Variants in ASPH observed in about 807,000 individuals in gnomAD.
ASPH encodes aspartate beta-hydroxylase.
Under a neutral mutation model 118.4 loss-of-function variants are expected in ASPH, and 100 were observed. The ratio of observed to expected loss-of-function variants is 0.84; its 90% confidence interval spans 0.72 to 1.00. ASPH has a LOEUF of 1.00. Among genes scored for constraint, ASPH ranks in the 50% least tolerant of loss-of-function variants. The probability of loss-of-function intolerance (pLI) is 0.00; values close to 1 mark genes in which losing one functional copy is unlikely to be tolerated. For synonymous variants in ASPH, 315 were observed against 325.6 expected (o/e 0.97, Z 0.35); for missense variants, 920 against 919.5 (o/e 1.00, Z -0.01).
At chr8:61,579,166 A>G (rs879015555) in intron 15 of ASPH, 136 of 1,611,248 alleles carry the variant, frequency 8.4e-5, no homozygotes, top group South Asian at 3.3e-4. Context: ...AACATCAGCC[A>G]GCTCCAGGCT....
intron 24 of ASPH, among the ~76,000 whole-genome samples, chr8:61,505,016 C>A (rs139199998): frequency 6.6e-6 from 1 of 151,998 alleles, no homozygotes; most frequent in South Asian, 2.1e-4. Context: ...CAAATCTCAT[C>A]TTGAATTGTA....
chr8:61,675,453 A>G (rs1435924739), intron 3 of ASPH: 3 of 984,678 alleles, frequency 3.0e-6, no homozygotes, highest in Non-Finnish European at 3.6e-6. Context: ...AAGTTAACTT[A>G]CTCTAAGGCA....
At chr8:61,507,434 T>C (rs780064614) in intron 24 of ASPH, among the ~76,000 whole-genome samples, 2 of 152,156 alleles carry the variant, frequency 1.3e-5, no homozygotes, top group Admixed American at 1.3e-4. Context: ...CCCCAGAAAA[T>C]AGCAAAGATA....
intron 14 of ASPH, among the ~76,000 whole-genome samples, chr8:61,596,237 G>A (rs1206370176): frequency 2.6e-5 from 4 of 152,160 alleles, no homozygotes; most frequent in Admixed American, 2.0e-4. Context: ...CCTTCCAGGG[G>A]CCTGAGGATG....
chr8:61,663,349 A>T (rs1274008431), intron 3 of ASPH: 1 of 985,294 alleles, frequency 1.0e-6, no homozygotes, highest in Non-Finnish European at 1.2e-6. Flanking sequence ...CACCAGGCCT[A>T]ACCAGGCCAA....
chr8:61,539,773 G>T (rs938881291), intron 21 of ASPH, among the ~76,000 whole-genome samples: 2 of 131,216 alleles, frequency 1.5e-5, no homozygotes, highest in Admixed American at 1.7e-4. Flanking sequence ...TATGCCTGAC[G>T]AGCTACCTAC....
chr8:61,651,192 A>C, intron 4 of ASPH, 68 bp from the exon 5 acceptor site: 1 of 1,313,040 alleles, frequency 7.6e-7, no homozygotes, highest in Non-Finnish European at 1.1e-6. Context: ...TAACACTCAA[A>C]TATGACATTG....
chr8:61,713,175 T>C (rs529543360), intron 1 of ASPH, among the ~76,000 whole-genome samples: 106 of 152,366 alleles, frequency 7.0e-4, no homozygotes, highest in Non-Finnish European at 1.1e-3. Flanking sequence ...TGTAAATTTG[T>C]GCAATGGATT....
rs187129338 is a variant in ASPH at position 61,713,146 on chromosome 8, C to G, written c.103+1123G>C. The stretch of plus-strand genomic sequence containing the variant: ...TGTCTACATCTTTACTTTTAGAATA[C>G]AAATATTAGTCCTTAGAATGTAAAT... On this transcript the variant is annotated intron_variant, in intron 1 of 24. Transcript: ENST00000379454. Among the ~76,000 whole-genome samples, 284 of 152,314 alleles carry G rather than the reference C, an allele frequency of 1.9e-3. 1 individual carries two copies. Among genetic ancestry groups the G allele is most frequent in the Non-Finnish European group, 3.1e-3 (210 of 68,014 alleles).
chr8:61,521,207 C>T (rs994813680), intron 22 of ASPH, among the ~76,000 whole-genome samples: 5 of 152,146 alleles, frequency 3.3e-5, no homozygotes, highest in African/African-American at 7.2e-5. Context: ...GGTCACATAG[C>T]GAACAGCAGA....
At chr8:61,676,400 A>C in intron 3 of ASPH, 32 of 1,317,886 alleles carry the variant, frequency 2.4e-5, no homozygotes, top group African/African-American at 3.0e-5. Flanking sequence ...GGGTGATCTC[A>C]AAAGCGAGGT....
At chr8:61,710,326 A>C (rs1837770869) in intron 1 of ASPH, among the ~76,000 whole-genome samples, 2 of 152,318 alleles carry the variant, frequency 1.3e-5, no homozygotes, top group South Asian at 4.1e-4. Context: ...GGAACCAGAG[A>C]GCTCAGGGGC....
chr8:61,581,950 A>T (rs1837695817), intron 15 of ASPH, among the ~76,000 whole-genome samples: 1 of 152,208 alleles, frequency 6.6e-6, no homozygotes, highest in Admixed American at 6.5e-5. Context: ...AAGCGAACAC[A>T]TACTTTCATG....
At chr8:61,562,557 G>C (rs998968220) in intron 18 of ASPH, among the ~76,000 whole-genome samples, 187 bp downstream of exon 18, 1 of 152,038 alleles carries the variant, frequency 6.6e-6, no homozygotes, top group African/African-American at 2.4e-5. Flanking sequence ...TGTTAACTAA[G>C]ATTTAAAAAT....
chr8:61,657,722 C>T (rs1814500790), intron 3 of ASPH: 1 of 152,088 alleles, frequency 6.6e-6, no homozygotes, highest in African/African-American at 2.4e-5. Context: ...GATGCTGGAT[C>T]CAAGGGCTGT....
chr8:61,510,344 T>C (rs1023971249), intron 24 of ASPH, among the ~76,000 whole-genome samples: 9 of 152,214 alleles, frequency 5.9e-5, no homozygotes, highest in Non-Finnish European at 1.0e-4. Flanking sequence ...AATATGTTTT[T>C]ATGAAGATAC....
At position 61,560,960 on chromosome 8, in the gene ASPH, G is replaced by A. The variant is rs527845454; in HGVS notation, c.1437+1784C>T. ...GAAAGGGTGCAGGAAGGTAGGAAGC[G>A]AGAGAGGGAGGGGTAGAGGGACAGA... is the stretch of plus-strand genomic sequence containing the variant. On this transcript the variant is annotated intron_variant, in intron 18 of 24. Coordinates refer to ENST00000379454, the MANE Select transcript of ASPH (RefSeq NM_004318.4). Among the ~76,000 whole-genome samples the A allele has an allele frequency of 4.6e-5, 7 of 151,632 alleles. No homozygotes were observed. In the South Asian group the frequency reaches 1.3e-3, roughly 27 times the overall value.
At chr8:61,665,288 T>C (rs1439332733) in intron 3 of ASPH, 1 of 1,609,162 alleles carries the variant, frequency 6.2e-7, no homozygotes, top group Non-Finnish European at 8.5e-7. Flanking sequence ...CTTTGTTAAG[T>C]GTGCATATCT....
chr8:61,661,142 T>C (rs1276005506), intron 3 of ASPH: 1 of 152,180 alleles, frequency 6.6e-6, no homozygotes, highest in Non-Finnish European at 1.5e-5. Flanking sequence ...CCCTCAATGA[T>C]CTCAATAGAA....
Sources: allele counts gnomAD v4.1 joint callset (sites outside exome capture counted in the v4.1 genomes callset), GRCh38; gene constraint gnomAD v4.1.1; transcripts MANE v1.5; gene names NCBI Gene and HGNC (gene_info 2026-07-23, HGNC 2026-07-21).